TOX2: variants seen among roughly 807,000 people sequenced by gnomAD.
TOX2 encodes the protein TOX high mobility group box family member 2, also known as granulosa cell HMG box 1.
A neutral mutation model predicts 47.4 loss-of-function variants in TOX2; 15 were observed. The observed-to-expected ratio is 0.32, with a 90% CI of 0.21 to 0.49. TOX2 has a LOEUF of 0.49. Among genes scored for constraint, TOX2 ranks in the 20% least tolerant of loss-of-function variants. The probability of loss-of-function intolerance (pLI) is 0.99; values close to 1 mark genes in which losing one functional copy is unlikely to be tolerated. For missense variants in TOX2, 622 were observed against 673.1 expected, an observed-to-expected ratio of 0.92 and a Z score of 0.84; for synonymous variants, 290 against 296.6, an observed-to-expected ratio of 0.98 and a Z score of 0.23.
intron 4 of TOX2, among the ~76,000 whole-genome samples, 162 bp downstream of exon 4, chr20:44,051,707 C>T (rs529320532): frequency 6.6e-6 from 1 of 152,180 alleles, no homozygotes; most frequent in Non-Finnish European, 1.5e-5. Flanking sequence ...TTCCTGGTGG[C>T]GGTTGGGATG....
intron 1 of TOX2, among the ~76,000 whole-genome samples, chr20:43,947,831 C>G (rs1167939613): frequency 6.6e-6 from 1 of 152,142 alleles, no homozygotes. Flanking sequence ...TGCTACCTGA[C>G]GACCTGTTTG....
At chr20:43,988,063 G>T (rs979335964) in intron 2 of TOX2, among the ~76,000 whole-genome samples, 27 of 151,908 alleles carry the variant, frequency 1.8e-4, no homozygotes, top group Admixed American at 1.4e-3. Flanking sequence ...GGGATTACAG[G>T]CACATGCTAC....
chr20:44,048,377 A>G (rs115516611), intron 3 of TOX2, among the ~76,000 whole-genome samples: 7,361 of 98,596 alleles, frequency 0.075, 380 homozygotes, highest in African/African-American at 0.16. Context: ...TAGTATCTGG[A>G]TAAAATGAAT....
intron 3 of TOX2, among the ~76,000 whole-genome samples, chr20:44,014,259 T>C (rs570496512): frequency 6.6e-6 from 1 of 152,234 alleles, no homozygotes; most frequent in South Asian, 2.1e-4. Flanking sequence ...TGCAGTACTT[T>C]TCAAACCTCT....
In TOX2 at chr20:44,068,765, C is replaced by T; in HGVS notation, c.*79C>T. The T allele has an allele frequency of 6.3e-7, 1 of 1,590,772 alleles. No homozygotes were observed. The highest frequency in any genetic ancestry group is 8.6e-7 in the Non-Finnish European group (1 of 1,164,438). On this transcript the variant is annotated 3_prime_UTR_variant, in exon 9 of 9. Transcript: ENST00000341197. ...AAGGGCTGACAGCAGAAAAGAGGCC[C>T]TGGCCAGAGGCAGGGTGGCCCATCG...
intron 1 of TOX2, among the ~76,000 whole-genome samples, chr20:43,961,884 T>A (rs2069764668): frequency 6.6e-6 from 1 of 152,098 alleles, no homozygotes; most frequent in Admixed American, 6.5e-5. Flanking sequence ...GTCCTGGCCC[T>A]GCCCCTTGGA....
intron 3 of TOX2, among the ~76,000 whole-genome samples, chr20:44,013,011 G>A (rs1445002329): frequency 1.3e-5 from 2 of 152,218 alleles, no homozygotes; most frequent in Non-Finnish European, 2.9e-5. Context: ...TGGGGAAGGG[G>A]CTGAGCTGTA....
intron 3 of TOX2, among the ~76,000 whole-genome samples, chr20:44,023,520 T>G (rs1471389655): frequency 6.6e-6 from 1 of 151,784 alleles, no homozygotes; most frequent in Middle Eastern, 3.2e-3. Context: ...CATCTTGGAC[T>G]GCATCAGTTT....
intron 1 of TOX2, among the ~76,000 whole-genome samples, chr20:43,928,182 G>T (rs766408653): frequency 2.6e-5 from 4 of 152,212 alleles, no homozygotes; most frequent in Non-Finnish European, 5.9e-5. Context: ...GAAGAAGGGA[G>T]CCAGGGGCAT....
intron 5 of TOX2, among the ~76,000 whole-genome samples, chr20:44,058,966 A>G (rs2071669979): frequency 6.7e-6 from 1 of 149,144 alleles, no homozygotes; most frequent in South Asian, 2.1e-4. Context: ...TGACAAAACG[A>G]GGTTATTTAA....
At chr20:44,018,722 T>C (rs2070926274) in intron 3 of TOX2, among the ~76,000 whole-genome samples, 1 of 152,182 alleles carries the variant, frequency 6.6e-6, no homozygotes, top group Non-Finnish European at 1.5e-5. Context: ...CTCATCTAAA[T>C]ATTAAAGCTC....
At position 43,925,027 on chromosome 20, in the gene TOX2, T is replaced by C. The variant is rs562915460; in HGVS notation, c.99+10037T>C. Among the ~76,000 whole-genome samples the C allele has an allele frequency of 1.0e-3, 159 of 152,364 alleles. 3 individuals carry two copies. The highest frequency in any genetic ancestry group is 5.8e-3 in the South Asian group (28 of 4,830). On this transcript the variant is annotated intron_variant, in intron 1 of 8. Coordinates refer to ENST00000341197, the MANE Select transcript of TOX2 (RefSeq NM_001098797.2). ...TTATTTTCCCAGAATTCTGAGTTTC[T>C]TGATTGATCTCATATCATCGTGGTC...
chr20:43,951,595 G>A (rs774875034), intron 1 of TOX2, among the ~76,000 whole-genome samples: 4 of 151,268 alleles, frequency 2.6e-5, no homozygotes, highest in Non-Finnish European at 5.9e-5. Context: ...AACAAAAGTA[G>A]TGAATTCTGA....
At chr20:44,019,658 G>A (rs993564515) in intron 3 of TOX2, among the ~76,000 whole-genome samples, 1 of 152,244 alleles carries the variant, frequency 6.6e-6, no homozygotes, top group African/African-American at 2.4e-5. Flanking sequence ...GGGCAGAGCT[G>A]TGGGACTGGG....
At chr20:44,019,905 G>A (rs961256568) in intron 3 of TOX2, among the ~76,000 whole-genome samples, 1 of 152,148 alleles carries the variant, frequency 6.6e-6, no homozygotes, top group African/African-American at 2.4e-5. Context: ...TCAAGGGAGA[G>A]GGGGCTTCTA....
At chr20:43,980,056 A>G (rs537356677) in intron 2 of TOX2, among the ~76,000 whole-genome samples, 68 of 152,360 alleles carry the variant, frequency 4.5e-4, no homozygotes, top group Admixed American at 9.1e-4. Context: ...AAATCAGTAT[A>G]TTGAAGATAT....
At chr20:44,065,547 C>T (rs2071797735) in intron 6 of TOX2, among the ~76,000 whole-genome samples, 165 bp from the exon 7 acceptor site, 1 of 152,170 alleles carries the variant, frequency 6.6e-6, no homozygotes, top group African/African-American at 2.4e-5. Context: ...TGGTCAGAGC[C>T]AAGGGGACTA....
chr20:44,030,547 C>A (rs2071133868), intron 3 of TOX2, among the ~76,000 whole-genome samples: 1 of 152,222 alleles, frequency 6.6e-6, no homozygotes, highest in African/African-American at 2.4e-5. Flanking sequence ...TCCCACTATC[C>A]TTCACTCCTG....
At chr20:43,987,067 A>G (rs909258730) in intron 2 of TOX2, among the ~76,000 whole-genome samples, 3 of 152,202 alleles carry the variant, frequency 2.0e-5, no homozygotes, top group Admixed American at 2.0e-4. Flanking sequence ...GTTTCTTAAA[A>G]AAAAGTTTAT....
Sources: allele counts gnomAD v4.1 joint callset (sites outside exome capture counted in the v4.1 genomes callset), GRCh38; gene constraint gnomAD v4.1.1; transcripts MANE v1.5; gene names NCBI Gene and HGNC (gene_info 2026-07-23, HGNC 2026-07-21).